Variants in PRDM16 observed in about 807,000 individuals in gnomAD.
PRDM16 encodes histone-lysine N-methyltransferase PRDM16.
In PRDM16, 23 loss-of-function variants were observed where a neutral mutation model predicts 110.6. That is an observed-to-expected ratio of 0.21 (90% CI 0.15 to 0.29). The LOEUF (loss-of-function observed/expected upper bound fraction) is 0.29, where lower values mean the gene tolerates loss of function less well. Among genes scored for constraint, PRDM16 ranks in the 10% least tolerant of loss-of-function variants. The probability of loss-of-function intolerance (pLI) is 1.00; values close to 1 mark genes in which losing one functional copy is unlikely to be tolerated. For synonymous variants in PRDM16, 799 were observed against 781.8 expected (o/e 1.02, Z -0.37); for missense variants, 1,615 against 1,794.3 (o/e 0.90, Z 1.81).
chr1:3,106,630 T>C lies in PRDM16; in HGVS notation c.37+37334T>C, dbSNP rs527342221. The stretch of plus-strand genomic sequence containing the variant: ...TGGCAGAGCTGGCAGGAACTGGCAA[T>C]GAATTACACATGGGGTTTGGGAAAG... On this transcript the variant is annotated intron_variant, in intron 1 of 16. Coordinates refer to ENST00000270722, the MANE Select transcript of PRDM16 (RefSeq NM_022114.4). Among the ~76,000 whole-genome samples, 107 of 152,078 alleles carry C rather than the reference T, an allele frequency of 7.0e-4. 1 individual carries two copies. Among genetic ancestry groups the C allele is most frequent in the African/African-American group, 2.4e-3 (99 of 41,448 alleles).
rs574630976 is a variant in PRDM16, at chr1:3,135,732, G to C, written c.38-50393G>C. On this transcript the variant is annotated intron_variant, in intron 1 of 16. Coordinates refer to ENST00000270722, the MANE Select transcript of PRDM16 (RefSeq NM_022114.4). ...GGGGCTTAGGCGTAATTATAGGGTC[G>C]GGTTACCCCGAGAAACAGGTATTCA... Among the ~76,000 whole-genome samples, 33 of 152,316 alleles carry C rather than the reference G, an allele frequency of 2.2e-4. No individual in the cohort carries two copies. In the South Asian group the frequency reaches 5.0e-3, roughly 23 times the overall value.
chr1:3,128,762 G>T (rs1234320098), intron 1 of PRDM16, among the ~76,000 whole-genome samples: 1 of 152,214 alleles, frequency 6.6e-6, no homozygotes, highest in Non-Finnish European at 1.5e-5. Flanking sequence ...ACGCTCCAAT[G>T]GCTCTGGTTC....
At position 3,404,880 on chromosome 1, in the gene PRDM16, C is replaced by T. The variant is rs201982054; in HGVS notation, c.1026C>T (p.Cys342=). The T allele has an allele frequency of 6.2e-6, 10 of 1,612,790 alleles. No homozygotes were observed. Among genetic ancestry groups the T allele is most frequent in the Middle Eastern group, 1.6e-4 (1 of 6,084 alleles). The change falls in exon 7 of 17, where the codon TGC becomes TGT. Residue 342 remains cysteine, a synonymous_variant. Transcript: ENST00000270722. ...DSGKRFECEN[C]VKVFTDPSNL... ...GCAAACGCTTCGAATGTGAAAACTG[C>T]GTGAAGGTAACCTGCGGGGCGGCCC...
intron 3 of PRDM16, among the ~76,000 whole-genome samples, chr1:3,277,896 A>G (rs1351003876): frequency 3.9e-5 from 6 of 152,222 alleles, no homozygotes; most frequent in Non-Finnish European, 7.4e-5. Flanking sequence ...ACAGGAACAC[A>G]GACCCATACA....
rs531471331 is a variant in PRDM16, at chr1:3,368,029, A to G, written c.439-17123A>G. ...GGGACAGAGATGAAGGGTTTGGGGAACATTCTGTACCTGACATGCCAGAGG... is the reference window on the plus strand; with the variant it reads ...GGGACAGAGATGAAGGGTTTGGGGAGCATTCTGTACCTGACATGCCAGAGG... On this transcript the variant is annotated intron_variant, in intron 3 of 16. Transcript: ENST00000270722. Among the ~76,000 whole-genome samples, 10 of 152,328 alleles carry G rather than the reference A, an allele frequency of 6.6e-5. No homozygotes were observed. In the South Asian group the frequency reaches 2.1e-3, roughly 32 times the overall value.
At chr1:3,131,238 A>G (rs1643330657) in intron 1 of PRDM16, among the ~76,000 whole-genome samples, 1 of 152,128 alleles carries the variant, frequency 6.6e-6, no homozygotes, top group Non-Finnish European at 1.5e-5. Flanking sequence ...ATTTCTCGTC[A>G]TTGTCCAGTT....
At chr1:3,253,903 G>A (rs1416273707) in intron 3 of PRDM16, among the ~76,000 whole-genome samples, 1 of 152,014 alleles carries the variant, frequency 6.6e-6, no homozygotes, top group African/African-American at 2.4e-5. Flanking sequence ...TTGCCATTCT[G>A]ACTGGTGTGA....
At chr1:3,111,112 AG>A (rs1642782586) in intron 1 of PRDM16, among the ~76,000 whole-genome samples, 1 of 152,092 alleles carries the variant, frequency 6.6e-6, no homozygotes, top group Non-Finnish European at 1.5e-5. Flanking sequence ...GCTCACGTGC[AG>A]GGGCCCAGGG....
At chr1:3,324,830 C>T (rs896846468) in intron 3 of PRDM16, among the ~76,000 whole-genome samples, 4 of 151,718 alleles carry the variant, frequency 2.6e-5, no homozygotes, top group Admixed American at 1.3e-4. Flanking sequence ...CTCGGCGGGT[C>T]GTGGGCAGCA....
At chr1:3,116,307 C>T (rs999243903) in intron 1 of PRDM16, among the ~76,000 whole-genome samples, 1 of 152,178 alleles carries the variant, frequency 6.6e-6, no homozygotes, top group Non-Finnish European at 1.5e-5. Flanking sequence ...CGCCGGCGTG[C>T]TCACTCCGCG....
intron 1 of PRDM16, among the ~76,000 whole-genome samples, chr1:3,125,548 ACCGGCCCT>A (rs1437635936): frequency 6.6e-6 from 1 of 152,122 alleles, no homozygotes; most frequent in Non-Finnish European, 1.5e-5. Context: ...CTCTGGGGGG[ACCGGCCCT>A]GCCTGGCGCT....
In PRDM16 at chr1:3,425,806, G is replaced by A; in HGVS notation, c.3109+56G>A. ...AGCACCCACACGGGCAGGCCCCACA[G>A]AGGGGGAGGGGGAACAGCAGGGGAG... is the stretch of plus-strand genomic sequence containing the variant. On this transcript the variant is annotated intron_variant, in intron 13 of 16. Coordinates refer to ENST00000270722, the MANE Select transcript of PRDM16 (RefSeq NM_022114.4). The surrounding 1 kb of genome is among the most constrained non-coding windows in gnomAD (Gnocchi z 6.9). The A allele has an allele frequency of 3.8e-6, 6 of 1,596,276 alleles. No individual in the cohort carries two copies. The highest frequency in any genetic ancestry group is 5.1e-6 in the Non-Finnish European group (6 of 1,168,280).
chr1:3,384,448 G>A (rs1643161560), intron 3 of PRDM16, among the ~76,000 whole-genome samples: 1 of 152,226 alleles, frequency 6.6e-6, no homozygotes, highest in South Asian at 2.1e-4. Flanking sequence ...CAGCAGGTCA[G>A]GTCTCCTCAT....
chr1:3,330,545 C>T (rs1342324311), intron 3 of PRDM16, among the ~76,000 whole-genome samples: 2 of 152,186 alleles, frequency 1.3e-5, no homozygotes, highest in Non-Finnish European at 2.9e-5. Flanking sequence ...CCTCTCAGCT[C>T]AGCGGGGGCT....
intron 1 of PRDM16, among the ~76,000 whole-genome samples, chr1:3,164,680 C>T (rs545177684): frequency 1.3e-5 from 2 of 152,126 alleles, no homozygotes; most frequent in East Asian, 1.9e-4. Context: ...TAGGAGGCGG[C>T]GTGGTCGAGC....
chr1:3,269,784 G>T (rs1640390716), intron 3 of PRDM16, among the ~76,000 whole-genome samples: 2 of 150,008 alleles, frequency 1.3e-5, no homozygotes, highest in African/African-American at 2.4e-5. Flanking sequence ...CCCAGAGGAG[G>T]AAAGTCTCAG....
intron 1 of PRDM16, among the ~76,000 whole-genome samples, chr1:3,182,365 G>A (rs1429474565): frequency 6.6e-6 from 1 of 152,212 alleles, no homozygotes; most frequent in Non-Finnish European, 1.5e-5. Context: ...ACGGTGGTGA[G>A]GGATCCCCTG....
intron 3 of PRDM16, among the ~76,000 whole-genome samples, chr1:3,292,493 C>G (rs1365128246): frequency 6.6e-6 from 1 of 152,196 alleles, no homozygotes; most frequent in African/African-American, 2.4e-5. Context: ...TATCTGGGGC[C>G]GCAGCGTCCC....
intron 3 of PRDM16, among the ~76,000 whole-genome samples, chr1:3,381,289 G>T (rs1408013085): frequency 6.6e-6 from 1 of 152,182 alleles, no homozygotes; most frequent in Non-Finnish European, 1.5e-5. Flanking sequence ...GATGGCGAGG[G>T]GCTTGGAAGC....
Sources: gnomAD v4.1 joint callset for allele counts (sites outside exome capture counted in the v4.1 genomes callset) on GRCh38, gnomAD v4.1.1 for gene constraint, Gnocchi (gnomAD v3.1) non-coding constraint, MANE v1.5 for transcripts, NCBI Gene and HGNC (gene_info 2026-07-23, HGNC 2026-07-21) for gene names.